The following ANK1 variants were observed in gnomAD, a reference collection of about 807,000 sequenced individuals.
The protein encoded by ANK1 is ankyrin-1.
ANK1 carries 51 observed loss-of-function variants against 210.4 expected under a neutral mutation model. The ratio of observed to expected loss-of-function variants is 0.24; its 90% CI spans 0.19 to 0.31. The LOEUF (loss-of-function observed/expected upper bound fraction) is 0.31. Ranked by LOEUF, ANK1 falls within the 10% of genes least tolerant of loss-of-function variation. The pLI is 1.00. For synonymous variants in ANK1, 967 were observed against 1,025.9 expected (o/e 0.94, Z 1.10); for missense variants, 2,051 against 2,504.4 (o/e 0.82, Z 3.86).
rs761575621 is a variant in ANK1 at position 41,661,636 on chromosome 8, A to C, written c.5545-72T>G. On this transcript the variant is annotated intron_variant, in intron 41 of 42. Transcript: ENST00000289734. ...GGCAGAACACAGGCAGAAGATCGAA[A>C]GGAGGCCACACGGAGGTGGCAGACA... 2.5e-6 allele frequency: 4 copies of C among 1,608,752 alleles called. No individual in the cohort carries two copies. The South Asian group carries it at 4.4e-5, about 18-fold the overall frequency.
chr8:41,825,763 C>T (rs149350738), intron 1 of ANK1, among the ~76,000 whole-genome samples: 3,968 of 152,212 alleles, frequency 0.026, 161 homozygotes, highest in African/African-American at 0.086. Context: ...GGGGGTGGTT[C>T]TTTCCCATGC....
intron 1 of ANK1, among the ~76,000 whole-genome samples, chr8:41,792,364 G>A (rs1377847333): frequency 2.0e-5 from 3 of 152,172 alleles, no homozygotes; most frequent in Admixed American, 6.5e-5. Context: ...ACTCCCGCAC[G>A]GGGCCAGCTT....
chr8:41,825,308 T>C (rs796329327), intron 1 of ANK1, among the ~76,000 whole-genome samples: 18 of 152,248 alleles, frequency 1.2e-4, no homozygotes, highest in African/African-American at 4.3e-4. Flanking sequence ...GAAATGTACT[T>C]CTATGAATGT....
intron 1 of ANK1, among the ~76,000 whole-genome samples, chr8:41,867,107 C>T (rs28471026): frequency 2.0e-5 from 3 of 152,146 alleles, no homozygotes; most frequent in Non-Finnish European, 4.4e-5. Context: ...GAGGTACAGA[C>T]CCCAACGCTG....
At chr8:41,752,785 TG>T (rs1177109719) in intron 2 of ANK1, among the ~76,000 whole-genome samples, 2 of 112,448 alleles carry the variant, frequency 1.8e-5, no homozygotes, top group African/African-American at 6.1e-5. Context: ...CCTGCGCTGC[TG>T]GGCACACACA....
At position 41,887,999 on chromosome 8, in the gene ANK1, T is replaced by C. The variant is rs190689515; in HGVS notation, c.126+8356A>G. 4.2e-3 allele frequency among the ~76,000 whole-genome samples: 641 copies of C among 152,332 alleles called. 2 individuals are homozygous for C. The highest frequency in any genetic ancestry group is 0.015 in the African/African-American group (605 of 41,580). On this transcript the variant is annotated intron_variant, in intron 1 of 42. Transcript: ENST00000265709. The stretch of plus-strand genomic sequence containing the variant: ...TCCTAACACCCTGTCAGCTTGGTCA[T>C]GTGTGTGTCGTACTTAAAGCCAATG...
intron 1 of ANK1, among the ~76,000 whole-genome samples, chr8:41,876,244 CGGCACCCT>C (rs528905341): frequency 8.3e-4 from 126 of 152,288 alleles, no homozygotes; most frequent in Middle Eastern, 3.4e-3. Flanking sequence ...GCTCCAGCCG[CGGCACCCT>C]GGCACCCTGG....
intron 1 of ANK1, among the ~76,000 whole-genome samples, chr8:41,795,543 A>G (rs549910450): frequency 4.6e-5 from 7 of 152,088 alleles, no homozygotes; most frequent in African/African-American, 1.7e-4. Context: ...ATAAATAAAT[A>G]TAAAAACTAA....
At chr8:41,777,990 C>T (rs927161534) in intron 1 of ANK1, among the ~76,000 whole-genome samples, 8 of 152,202 alleles carry the variant, frequency 5.3e-5, no homozygotes, top group Non-Finnish European at 7.3e-5. Context: ...AATATCCACA[C>T]CCGCCTCTAC....
Position 41,694,084 on chromosome 8 carries a change from C to T in ANK1, c.3346G>A (p.Glu1116Lys), listed in dbSNP as rs1250457932. The change falls in exon 29 of 43, where the codon GAG (glutamate) becomes AAG (lysine). Residue 1116 changes from glutamate to lysine, a missense_variant. By Grantham distance (56) the Glu-to-Lys change is moderately conservative (BLOSUM62 1). Around this residue, in one of 6 missense-constraint regions of ANK1, gnomAD observed 1,413 missense variants for 1,707.4 expected, o/e 0.83. Coordinates refer to ENST00000289734, the MANE Select transcript of ANK1 (RefSeq NM_000037.4). The surrounding 1 kb of genome is among the most constrained non-coding windows in gnomAD (Gnocchi z 5.7). Reference protein sequence around the residue: ...LALQAQPVPDELVTKLLGNQA... With the variant: ...LALQAQPVPDKLVTKLLGNQA... Reference sequence around the variant, plus strand: ...TTGCCCAGGAGCTTAGTGACAAGCTCATCCGGGACAGGCTGGGCCTGTGAA... The same window carrying T: ...TTGCCCAGGAGCTTAGTGACAAGCTTATCCGGGACAGGCTGGGCCTGTGAA... 4.3e-6 allele frequency: 7 copies of T among 1,614,004 alleles called. No individual in the cohort carries two copies. The East Asian group carries it at 1.6e-4, about 36-fold the overall frequency.
At chr8:41,721,909 T>A (rs1829379298) in intron 9 of ANK1, among the ~76,000 whole-genome samples, 1 of 152,230 alleles carries the variant, frequency 6.6e-6, no homozygotes, top group South Asian at 2.1e-4. Context: ...TTCAGCCCCA[T>A]TCTAATGATC....
intron 9 of ANK1, among the ~76,000 whole-genome samples, 198 bp downstream of exon 9, chr8:41,722,927 T>C (rs924117192): frequency 2.0e-5 from 3 of 152,168 alleles, no homozygotes; most frequent in Non-Finnish European, 4.4e-5. Context: ...AGATAAAAAG[T>C]TTGCCGACCC....
At chr8:41,852,503 G>T (rs527480020) in intron 1 of ANK1, among the ~76,000 whole-genome samples, 3 of 152,340 alleles carry the variant, frequency 2.0e-5, no homozygotes, top group East Asian at 1.9e-4. Flanking sequence ...GACATACAGA[G>T]GAAGAGGCTG....
At chr8:41,662,029 T>TGG in intron 40 of ANK1, 88 bp from the exon 41 acceptor site, 1 of 1,503,004 alleles carries the variant, frequency 6.7e-7, no homozygotes, top group Admixed American at 1.7e-5. Context: ...GAGGCTGACG[T>TGG]GCAGATCATC....
intron 3 of ANK1, among the ~76,000 whole-genome samples, chr8:41,728,748 T>C (rs1369711514): frequency 6.6e-6 from 1 of 152,072 alleles, no homozygotes; most frequent in Non-Finnish European, 1.5e-5. Flanking sequence ...AAAATAATAC[T>C]GAAAGAAAAA....
chr8:41,667,854 C>T (rs1005551688), intron 39 of ANK1, among the ~76,000 whole-genome samples: 3 of 152,194 alleles, frequency 2.0e-5, no homozygotes, highest in Non-Finnish European at 4.4e-5. Context: ...GGGAAGAGAG[C>T]GCCTTGGGCA....
At chr8:41,888,372 C>T (rs971087811) in intron 1 of ANK1, among the ~76,000 whole-genome samples, 4 of 152,238 alleles carry the variant, frequency 2.6e-5, no homozygotes, top group Non-Finnish European at 5.9e-5. Flanking sequence ...TGATACCGCA[C>T]ATTGGAAACT....
Position 41,724,350 on chromosome 8 carries a change from A to G in ANK1, c.711+106T>C, listed in dbSNP as rs1830131670. ...CCCGACCAGACAGCAGGGCTGTTTA[A>G]CCCACAGGCACTTCTGCCACTGGGA... On this transcript the variant is annotated intron_variant, in intron 7 of 42. Coordinates refer to ENST00000289734, the MANE Select transcript of ANK1 (RefSeq NM_000037.4). 3.0e-6 allele frequency: 3 copies of G among 988,140 alleles called. No homozygotes were observed. In the East Asian group the frequency reaches 7.8e-5, roughly 26 times the overall value. The allele number at this position is 988,140 out of a possible 1,614,324, so 61.2% of individuals were successfully genotyped here. A position where few individuals can be genotyped will look rare whatever the true frequency, so the allele number is the denominator to read the frequency against.
intron 1 of ANK1, among the ~76,000 whole-genome samples, chr8:41,870,066 AT>A (rs1185960402): frequency 3.3e-5 from 5 of 152,106 alleles, no homozygotes; most frequent in Non-Finnish European, 4.4e-5. Flanking sequence ...GCCTAAAACC[AT>A]TTTAGGGATT....
Sources: allele counts gnomAD v4.1 joint callset (sites outside exome capture counted in the v4.1 genomes callset), GRCh38; gene constraint gnomAD v4.1.1; regional missense constraint gnomAD v4.1.1; non-coding constraint Gnocchi (gnomAD v3.1); transcripts MANE v1.5; gene names NCBI Gene and HGNC (gene_info 2026-07-23, HGNC 2026-07-21).